The following USP45 variants were observed in gnomAD, a reference collection of about 807,000 sequenced individuals.
USP45 encodes the protein ubiquitin carboxyl-terminal hydrolase 45.
In USP45, 89 loss-of-function variants were observed where a neutral mutation model predicts 95.8. The ratio of observed to expected loss-of-function variants is 0.93; its 90% CI spans 0.78 to 1.11. USP45 has a LOEUF of 1.11. Ranked by LOEUF, USP45 falls within the 50% of genes least tolerant of loss-of-function variation. USP45 has a pLI of 0.00. For missense variants in USP45, 898 were observed against 942.5 expected (o/e 0.95, Z 0.62); for synonymous variants, 281 against 316.2 (o/e 0.89, Z 1.18).
Position 99,439,974 on chromosome 6 carries a change from T to C in USP45, c.2074-119A>G, listed in dbSNP as rs573236023. Reference sequence around the variant, plus strand: ...TTTTTTCATAGATAAAAAATGTGACTAATGTATAGTCTAAAATTAATATGA... The same window carrying C: ...TTTTTTCATAGATAAAAAATGTGACCAATGTATAGTCTAAAATTAATATGA... On this transcript the variant is annotated intron_variant, in intron 15 of 17. Transcript: ENST00000500704. 7 of 594,214 alleles carry C rather than the reference T, an allele frequency of 1.2e-5. No individual in the cohort carries two copies. In the East Asian group the frequency reaches 1.3e-4, roughly 11 times the overall value. The allele number at this position is 594,214 out of a possible 1,614,324, so 36.8% of individuals were successfully genotyped here.
chr6:99,478,806 G>C (rs1420944399), intron 8 of USP45, among the ~76,000 whole-genome samples: 1 of 152,114 alleles, frequency 6.6e-6, no homozygotes, highest in Non-Finnish European at 1.5e-5. Flanking sequence ...TGAAGACCTT[G>C]CTCCCAAATA....
At position 99,472,570 on chromosome 6, in the gene USP45, G is replaced by A. The variant is rs142788978; in HGVS notation, c.933+3573C>T. On this transcript the variant is annotated intron_variant, in intron 9 of 17. Coordinates refer to ENST00000500704, the MANE Select transcript of USP45 (RefSeq NM_001346022.3). ...GATACATGACCACCACATAGTAAACGTATTCCTGCAAATCATGGGGAAAAA... is the reference window on the plus strand; with the variant it reads ...GATACATGACCACCACATAGTAAACATATTCCTGCAAATCATGGGGAAAAA... 1.8e-3 allele frequency among the ~76,000 whole-genome samples: 271 copies of A among 151,998 alleles called. 2 individuals are homozygous for A. Among genetic ancestry groups the A allele is most frequent in the East Asian group, 5.8e-3 (30 of 5,174 alleles).
intron 1 of USP45, among the ~76,000 whole-genome samples, chr6:99,511,735 G>A (rs1799849351): frequency 1.3e-5 from 2 of 151,892 alleles, no homozygotes; most frequent in African/African-American, 4.8e-5. Flanking sequence ...TTACAGGTAT[G>A]AGCCATGGTG....
At chr6:99,472,013 C>T (rs1441343339) in intron 9 of USP45, among the ~76,000 whole-genome samples, 1 of 152,184 alleles carries the variant, frequency 6.6e-6, no homozygotes, top group East Asian at 1.9e-4. Flanking sequence ...ACCAATGTGT[C>T]CTGCTGGGCT....
At chr6:99,514,000 G>A (rs538810826) in intron 1 of USP45, among the ~76,000 whole-genome samples, 7 of 152,040 alleles carry the variant, frequency 4.6e-5, no homozygotes, top group Non-Finnish European at 8.8e-5. Context: ...GTACCACTAG[G>A]AAATATATCC....
intron 10 of USP45, 59 bp from the exon 11 acceptor site, chr6:99,466,822 A>AT: frequency 7.9e-7 from 1 of 1,269,292 alleles, no homozygotes; most frequent in Non-Finnish European, 1.1e-6. Flanking sequence ...TAGCAGTATA[A>AT]TAGGCTATCT....
intron 5 of USP45, among the ~76,000 whole-genome samples, chr6:99,498,963 G>A (rs982484880): frequency 2.0e-5 from 3 of 152,016 alleles, no homozygotes; most frequent in Non-Finnish European, 4.4e-5. Context: ...TATTTTTAGA[G>A]CCAAGTCTCG....
chr6:99,511,224 T>C (rs1290200434), intron 1 of USP45, among the ~76,000 whole-genome samples: 1 of 152,016 alleles, frequency 6.6e-6, no homozygotes, highest in Admixed American at 6.6e-5. Flanking sequence ...GGATCTCGGC[T>C]CACTGCAACC....
At chr6:99,450,083 G>A (rs146893993) in intron 13 of USP45, among the ~76,000 whole-genome samples, 1 of 152,090 alleles carries the variant, frequency 6.6e-6, no homozygotes, top group Non-Finnish European at 1.5e-5. Flanking sequence ...AAGCAGGAAA[G>A]ATCTAAAATT....
intron 5 of USP45, among the ~76,000 whole-genome samples, chr6:99,502,893 T>A (rs911492205): frequency 6.6e-6 from 1 of 152,138 alleles, no homozygotes; most frequent in Admixed American, 6.5e-5. Flanking sequence ...TCCACCATGA[T>A]TGAAAGTTTC....
intron 10 of USP45, chr6:99,468,178 AT>A (rs1443181006): frequency 4.4e-6 from 2 of 458,352 alleles, no homozygotes; most frequent in Admixed American, 2.3e-5. Flanking sequence ...CATCTAAAAA[AT>A]ATCCATAAAT....
intron 6 of USP45, 59 bp from the exon 7 acceptor site, chr6:99,488,354 G>C (rs1366237939): frequency 9.2e-7 from 1 of 1,092,376 alleles, no homozygotes; most frequent in Non-Finnish European, 1.3e-6. Context: ...CTGATTTTAT[G>C]GAATACACTC....
chr6:99,511,374 C>T (rs1032328031), intron 1 of USP45, among the ~76,000 whole-genome samples: 2 of 151,708 alleles, frequency 1.3e-5, no homozygotes, highest in South Asian at 2.1e-4. Flanking sequence ...AGAATGGTCT[C>T]GATCTCCTGA....
At chr6:99,455,819 T>TTA (rs1267454708) in intron 13 of USP45, among the ~76,000 whole-genome samples, 2 of 44,338 alleles carry the variant, frequency 4.5e-5, no homozygotes, top group Non-Finnish European at 7.4e-5. Context: ...ATGTGAGAGC[T>TTA]AAAAAAAAAA....
At chr6:99,442,900 T>C (rs907816529) in intron 15 of USP45, among the ~76,000 whole-genome samples, 1 of 151,746 alleles carries the variant, frequency 6.6e-6, no homozygotes, top group Non-Finnish European at 1.5e-5. Flanking sequence ...GATAATTTGT[T>C]TTATACAATT....
rs1339336448 is a variant in USP45, at chr6:99,510,203, T to G, written c.18A>C (p.Pro6=). 6.2e-7 allele frequency: 1 copy of G among 1,613,630 alleles called. No homozygotes were observed. The highest frequency in any genetic ancestry group is 2.2e-5 in the East Asian group (1 of 44,880). MRVKD[P]TKALPEKAKR... is the part of the protein sequence containing the mutation. ...TGGCTTTCTCAGGTAAAGCTTTAGTTGGATCTTTCACCCGCATCTGTTATT... is the reference window on the plus strand; with the variant it reads ...TGGCTTTCTCAGGTAAAGCTTTAGTGGGATCTTTCACCCGCATCTGTTATT... Residue 6 remains proline, a synonymous_variant, in exon 2 of 18, where the codon CCA becomes CCC. Transcript: ENST00000500704.
chr6:99,461,546 A>C, intron 13 of USP45: 1 of 985,416 alleles, frequency 1.0e-6, no homozygotes. Flanking sequence ...GCAAAAGAAA[A>C]TGCACTTTTT....
chr6:99,512,454 A>G (rs2128826726), intron 1 of USP45, among the ~76,000 whole-genome samples: 1 of 152,350 alleles, frequency 6.6e-6, no homozygotes, highest in East Asian at 1.9e-4. Context: ...AATTCAGTTA[A>G]TTATCAAAGA....
intron 13 of USP45, among the ~76,000 whole-genome samples, chr6:99,456,134 G>GA (rs71021737): frequency 1.8e-3 from 159 of 89,428 alleles, no homozygotes; most frequent in East Asian, 7.0e-3. Context: ...CTCTGTCTCG[G>GA]AAAAAAAAAA....
Sources: allele counts gnomAD v4.1 joint callset (sites outside exome capture counted in the v4.1 genomes callset), GRCh38; gene constraint gnomAD v4.1.1; transcripts MANE v1.5; gene names NCBI Gene and HGNC (gene_info 2026-07-23, HGNC 2026-07-21).